Variants in TRPV1 observed in about 807,000 individuals in gnomAD.
TRPV1 encodes the protein OTRPC1.
TRPV1 carries 82 observed loss-of-function variants against 82.3 expected under a neutral mutation model. That is an observed-to-expected ratio of 1.00 (90% confidence interval 0.83 to 1.20). TRPV1 has a LOEUF of 1.20. TRPV1 is among the 50% of genes most tolerant of loss of function. The pLI is 0.00. For synonymous variants in TRPV1, 515 were observed against 467.7 expected (o/e 1.10, Z -1.30); for missense variants, 1,067 against 1,096.8 (o/e 0.97, Z 0.38).
At chr17:3,568,457 A>T (rs1334701169) in intron 16 of TRPV1, among the ~76,000 whole-genome samples, 1 of 152,248 alleles carries the variant, frequency 6.6e-6, no homozygotes, top group Non-Finnish European at 1.5e-5. Flanking sequence ...TACAGGATGC[A>T]GGGATTGCTT....
chr17:3,583,482 C>A, intron 9 of TRPV1, 52 bp from the exon 10 acceptor site: 1 of 1,401,416 alleles, frequency 7.1e-7, no homozygotes, highest in Non-Finnish European at 9.9e-7. Context: ...GTTCATTCAA[C>A]AAACATGGAC....
At position 3,588,376 on chromosome 17, in the gene TRPV1, G is replaced by A. The variant is rs199944414; in HGVS notation, c.1045-9C>T. On this transcript the variant is annotated splice_polypyrimidine_tract_variant and intron_variant, in intron 7 of 16. Coordinates refer to ENST00000572705, the MANE Select transcript of TRPV1 (RefSeq NM_080704.4). The stretch of plus-strand genomic sequence containing the variant: ...AGAATATAGGCCAAGACCTGCCCCC[G>A]GGGAGCAAGAGCCCGTCAGAGGCCA... 7.0e-5 allele frequency: 108 copies of A among 1,551,458 alleles called. No homozygotes were observed. In the Admixed American group the frequency reaches 1.3e-3, roughly 19 times the overall value.
At chr17:3,604,702 CA>C (rs892017843) in intron 2 of TRPV1, among the ~76,000 whole-genome samples, 3 of 152,120 alleles carry the variant, frequency 2.0e-5, no homozygotes, top group Admixed American at 1.3e-4. Flanking sequence ...GGTCAAGGCC[CA>C]GAGGCAGGCA....
At chr17:3,603,697 G>T (rs2075279247) in intron 2 of TRPV1, among the ~76,000 whole-genome samples, 1 of 152,152 alleles carries the variant, frequency 6.6e-6, no homozygotes, top group African/African-American at 2.4e-5. Context: ...GCTGTATCCG[G>T]CCATTAGCTC....
intron 12 of TRPV1, 29 bp downstream of exon 12, chr17:3,577,566 TGAG>T: frequency 6.4e-7 from 1 of 1,558,846 alleles, no homozygotes; most frequent in Non-Finnish European, 8.7e-7. Flanking sequence ...AAGCGGGCTC[TGAG>T]GAGACCCACT....
At chr17:3,601,562 C>T (rs1417076419) in intron 2 of TRPV1, among the ~76,000 whole-genome samples, 1 of 152,070 alleles carries the variant, frequency 6.6e-6, no homozygotes, top group African/African-American at 2.4e-5. Flanking sequence ...GCTCAAATCC[C>T]ACCTTCTCCC....
intron 11 of TRPV1, 103 bp from the exon 12 acceptor site, chr17:3,577,866 G>A (rs972779552): frequency 9.1e-6 from 10 of 1,095,570 alleles, no homozygotes; most frequent in African/African-American, 1.6e-5. Flanking sequence ...ACTGCAGGCC[G>A]CAATAGGAGC....
intron 10 of TRPV1, among the ~76,000 whole-genome samples, chr17:3,582,756 G>A (rs1362993284): frequency 1.3e-5 from 2 of 151,876 alleles, no homozygotes; most frequent in Non-Finnish European, 2.9e-5. Flanking sequence ...TCAGGAGTTC[G>A]AGACCAGCCT....
At position 3,567,324 on chromosome 17, in the gene TRPV1, G is replaced by A. The variant is rs1275639828; in HGVS notation, c.2348-337C>T. On this transcript the variant is annotated intron_variant, in intron 16 of 16. Transcript: ENST00000572705. ...GCACAGGCTGCAGTGAGCCGAGATCGTGCCACTGCACTCCAGCCTGGGCGA... is the reference window on the plus strand; with the variant it reads ...GCACAGGCTGCAGTGAGCCGAGATCATGCCACTGCACTCCAGCCTGGGCGA... Among the ~76,000 whole-genome samples the A allele has an allele frequency of 3.5e-5, 5 of 143,160 alleles. No homozygotes were observed. In the South Asian group the frequency reaches 6.6e-4, roughly 19 times the overall value. The allele number at this position is 143,160 out of a possible 152,430, so 93.9% of individuals were successfully genotyped here. A position where few individuals can be genotyped will look rare whatever the true frequency, so the allele number is the denominator to read the frequency against.
At chr17:3,589,742 C>T (rs1451975503) in intron 7 of TRPV1, 65 bp downstream of exon 7, 8 of 1,537,052 alleles carry the variant, frequency 5.2e-6, no homozygotes, top group Non-Finnish European at 6.1e-6. Context: ...CGCAGTGAGT[C>T]AGGCAGTCCT....
intron 10 of TRPV1, among the ~76,000 whole-genome samples, chr17:3,582,878 C>T (rs1225620752): frequency 1.4e-5 from 2 of 139,132 alleles, no homozygotes; most frequent in Non-Finnish European, 3.1e-5. Context: ...ACCCAAGAGG[C>T]GGAGGTTGCA....
Position 3,592,148 on chromosome 17 carries a change from C to A in TRPV1, c.203G>T (p.Gly68Val), listed in dbSNP as rs1222998694. 1 of 1,613,872 alleles carries A rather than the reference C, an allele frequency of 6.2e-7. No homozygotes were observed. Among genetic ancestry groups the A allele is most frequent in the Admixed American group, 1.7e-5 (1 of 60,000 alleles). ...GATGGTCGGGCAGGAGTCCAGCTCA[C>A]CTTCCTCGTGAGGGCAATCCACCGG... ...AFPVDCPHEE[G>V]ELDSCPTITV... The change falls in exon 3 of 17, where the codon GGT (glycine) becomes GTT (valine). Residue 68 changes from glycine to valine, a missense_variant. By Grantham distance (109) the Gly-to-Val change is moderately radical (BLOSUM62 -3). Transcript: ENST00000572705.
chr17:3,582,675 C>T (rs981559421), intron 10 of TRPV1, among the ~76,000 whole-genome samples: 4 of 151,526 alleles, frequency 2.6e-5, no homozygotes, highest in Non-Finnish European at 4.4e-5. Context: ...AAAACAATTC[C>T]TTGCTGGTGT....
chr17:3,582,189 C>CAAAAA (rs71153376), intron 10 of TRPV1, among the ~76,000 whole-genome samples: 1 of 25,912 alleles, frequency 3.9e-5, no homozygotes. Flanking sequence ...GACTCCATCT[C>CAAAAA]AAAAAAAAAA....
chr17:3,587,566 C>G (rs2150844313), intron 8 of TRPV1, among the ~76,000 whole-genome samples: 1 of 152,306 alleles, frequency 6.6e-6, no homozygotes, highest in South Asian at 2.1e-4. Flanking sequence ...CACCTGTGAT[C>G]CCAGCACTTT....
chr17:3,577,236 G>T, intron 12 of TRPV1, 44 bp from the exon 13 acceptor site: 1 of 1,554,388 alleles, frequency 6.4e-7, no homozygotes, highest in Non-Finnish European at 8.7e-7. Context: ...CCAGGCCCAG[G>T]AGGAGCTGAG....
intron 16 of TRPV1, among the ~76,000 whole-genome samples, chr17:3,570,386 A>G (rs868412606): frequency 1.3e-5 from 2 of 152,130 alleles, no homozygotes; most frequent in South Asian, 4.2e-4. Flanking sequence ...AAAAAAAAAA[A>G]AAGTTCTGGA....
chr17:3,574,561 C>A (rs1023305032), intron 13 of TRPV1, among the ~76,000 whole-genome samples: 1 of 152,208 alleles, frequency 6.6e-6, no homozygotes, highest in East Asian at 1.9e-4. Flanking sequence ...GGGATTCCAA[C>A]GCAAACGGCA....
At chr17:3,584,767 G>T (rs2075064130) in intron 9 of TRPV1, among the ~76,000 whole-genome samples, 1 of 152,232 alleles carries the variant, frequency 6.6e-6, no homozygotes, top group Non-Finnish European at 1.5e-5. Context: ...CTGCACTCCA[G>T]CCTGGGTGAT....
Sources: gnomAD v4.1 joint callset for allele counts (sites outside exome capture counted in the v4.1 genomes callset) on GRCh38, gnomAD v4.1.1 for gene constraint, MANE v1.5 for transcripts, NCBI Gene and HGNC (gene_info 2026-07-23, HGNC 2026-07-21) for gene names.